PRKCH: variants seen among roughly 807,000 people sequenced by gnomAD.
PRKCH encodes the protein protein kinase C eta type.
In PRKCH, 28 loss-of-function variants were observed where a neutral mutation model predicts 82.5. The observed-to-expected ratio is 0.34, with a 90% confidence interval of 0.25 to 0.47. The LOEUF is 0.47. Among genes scored for constraint, PRKCH ranks in the 20% least tolerant of loss-of-function variants. PRKCH has a pLI of 1.00. For synonymous variants in PRKCH, 322 were observed against 327.4 expected (o/e 0.98, Z 0.18); for missense variants, 705 against 881.8 (o/e 0.80, Z 2.54).
At chr14:61,449,856 G>GTCTCTCTC (rs149977373) in intron 5 of PRKCH, among the ~76,000 whole-genome samples, 237 of 142,368 alleles carry the variant, frequency 1.7e-3, no homozygotes, top group African/African-American at 6.2e-3. Flanking sequence ...CAGGGAAGAT[G>GTCTCTCTC]TCTCTCTCTC....
chr14:61,296,229 G>T (rs924501316), intron 1 of PRKCH, among the ~76,000 whole-genome samples: 1 of 152,118 alleles, frequency 6.6e-6, no homozygotes, highest in South Asian at 2.1e-4. Flanking sequence ...TATAGAATAT[G>T]GTTCAAACCA....
chr14:61,517,856 A>G (rs1410769982), intron 10 of PRKCH, among the ~76,000 whole-genome samples: 1 of 152,248 alleles, frequency 6.6e-6, no homozygotes, highest in East Asian at 1.9e-4. Context: ...GCAGCCAGCC[A>G]GTAAGGGGTC....
intron 1 of PRKCH, among the ~76,000 whole-genome samples, chr14:61,369,378 A>G (rs895085505): frequency 2.0e-5 from 3 of 152,078 alleles, no homozygotes; most frequent in Non-Finnish European, 4.4e-5. Flanking sequence ...AAGGGCTTTG[A>G]AGTCTCTTCT....
chr14:61,262,858 G>C (rs2045062042), intron 1 of PRKCH, among the ~76,000 whole-genome samples: 1 of 152,106 alleles, frequency 6.6e-6, no homozygotes, highest in South Asian at 2.1e-4. Flanking sequence ...AATGTATGTA[G>C]AAATACCCAG....
At chr14:61,211,702 G>A (rs1042205511) in intron 1 of PRKCH, among the ~76,000 whole-genome samples, 4 of 152,058 alleles carry the variant, frequency 2.6e-5, no homozygotes, top group East Asian at 3.8e-4. Context: ...CTCCTCACCC[G>A]CTTAATTGCT....
chr14:61,392,186 A>G (rs2046693539), intron 2 of PRKCH, among the ~76,000 whole-genome samples: 1 of 151,666 alleles, frequency 6.6e-6, no homozygotes, highest in Non-Finnish European at 1.5e-5. Context: ...GGTTTTTCCT[A>G]TTGTTGTCTA....
chr14:61,301,907 C>A (rs1210764122), intron 1 of PRKCH, among the ~76,000 whole-genome samples: 10 of 152,162 alleles, frequency 6.6e-5, no homozygotes, highest in Admixed American at 6.5e-4. Flanking sequence ...CTTGTAACTA[C>A]CACAAAAAGT....
rs1021621449 is a variant in PRKCH at position 61,516,613 on chromosome 14, C to T, written c.1434-12462C>T. Among the ~76,000 whole-genome samples, 6 of 152,054 alleles carry T rather than the reference C, an allele frequency of 3.9e-5. No homozygotes were observed. The East Asian group carries it at 5.8e-4, about 15-fold the overall frequency. On this transcript the variant is annotated intron_variant, in intron 10 of 13. Transcript: ENST00000332981. ...TGGTTGCAAAACCAAGTGCTGGGGC[C>T]GGAGTGAGTGCTCAAGAAGTACCAG...
chr14:61,527,569 T>A (rs2042983266), intron 10 of PRKCH, among the ~76,000 whole-genome samples: 1 of 152,076 alleles, frequency 6.6e-6, no homozygotes, highest in Non-Finnish European at 1.5e-5. Flanking sequence ...GGTTTCAGCC[T>A]CCCCCAACTG....
chr14:61,255,642 A>G (rs1422767948), intron 1 of PRKCH, among the ~76,000 whole-genome samples: 1 of 152,180 alleles, frequency 6.6e-6, no homozygotes, highest in East Asian at 1.9e-4. Context: ...TACTTGGCAA[A>G]CATTAATTAA....
At chr14:61,209,258 C>T (rs929423584) in intron 1 of PRKCH, among the ~76,000 whole-genome samples, 1 of 150,020 alleles carries the variant, frequency 6.7e-6, no homozygotes, top group Non-Finnish European at 1.5e-5. Context: ...ATTACCCAGC[C>T]TGTGGTATTC....
intron 10 of PRKCH, among the ~76,000 whole-genome samples, chr14:61,514,337 A>G (rs1254841502): frequency 6.7e-6 from 1 of 149,786 alleles, no homozygotes; most frequent in Non-Finnish European, 1.5e-5. Context: ...AAAAAAAGGA[A>G]CAAAGGTTTT....
intron 10 of PRKCH, among the ~76,000 whole-genome samples, chr14:61,513,149 T>C (rs947895482): frequency 3.3e-5 from 5 of 152,168 alleles, no homozygotes; most frequent in Non-Finnish European, 5.9e-5. Flanking sequence ...CATTGCTTCC[T>C]CAGTTCCTTA....
rs546647263 is a variant in PRKCH, at chr14:61,479,155, T to TCACCCACCCACCTGTCCATC, written c.1279-6336_1279-6317dup. Among the ~76,000 whole-genome samples the TCACCCACCCACCTGTCCATC allele has an allele frequency of 1.4e-4, 21 of 152,262 alleles. No individual in the cohort carries two copies. In the South Asian group the frequency reaches 3.9e-3, roughly 29 times the overall value. The stretch of plus-strand genomic sequence containing the variant: ...TATGTTTCTGCTTCATTCTTCTCCT[T>TCACCCACCCACCTGTCCATC]CACCCACCCACCTGTCCATCCACCC... On this transcript the variant is annotated intron_variant, in intron 9 of 13. Coordinates refer to ENST00000332981, the MANE Select transcript of PRKCH (RefSeq NM_006255.5).
At chr14:61,469,178 C>G (rs1347155734) in intron 9 of PRKCH, among the ~76,000 whole-genome samples, 4 of 152,220 alleles carry the variant, frequency 2.6e-5, no homozygotes, top group African/African-American at 9.7e-5. Context: ...CTCAAGCAAT[C>G]CTACTGCCTT....
At chr14:61,488,117 G>A (rs965280321) in intron 10 of PRKCH, among the ~76,000 whole-genome samples, 5 of 151,008 alleles carry the variant, frequency 3.3e-5, no homozygotes, top group Non-Finnish European at 5.9e-5. Flanking sequence ...TCGCGCCACC[G>A]CACTCCAGCC....
intron 1 of PRKCH, among the ~76,000 whole-genome samples, chr14:61,208,980 G>C (rs747603819): frequency 6.6e-6 from 1 of 152,272 alleles, no homozygotes; most frequent in South Asian, 2.1e-4. Context: ...CCAATGCAGC[G>C]GTGTTGAGAG....
intron 1 of PRKCH, among the ~76,000 whole-genome samples, chr14:61,203,621 G>A (rs972457872): frequency 1.3e-5 from 2 of 152,124 alleles, no homozygotes; most frequent in Non-Finnish European, 2.9e-5. Context: ...CTCAGAGTGA[G>A]GTTGGGAGAT....
intron 2 of PRKCH, among the ~76,000 whole-genome samples, chr14:61,406,666 T>C (rs1270067233): frequency 1.3e-5 from 2 of 152,342 alleles, no homozygotes; most frequent in Admixed American, 1.3e-4. Context: ...TTTATCAGTG[T>C]TTGGGTTCCA....
Sources: allele counts gnomAD v4.1 joint callset (sites outside exome capture counted in the v4.1 genomes callset), GRCh38; gene constraint gnomAD v4.1.1; transcripts MANE v1.5; gene names NCBI Gene and HGNC (gene_info 2026-07-23, HGNC 2026-07-21).